Variants in ULK1 observed in about 807,000 individuals in gnomAD.
The protein encoded by ULK1 is serine/threonine-protein kinase ULK1.
A neutral mutation model predicts 117.5 loss-of-function variants in ULK1; 48 were observed. That is an observed-to-expected ratio of 0.41 (90% confidence interval 0.32 to 0.52). The LOEUF (loss-of-function observed/expected upper bound fraction) is 0.52. Among genes scored for constraint, ULK1 ranks in the 20% least tolerant of loss-of-function variants. The pLI is 0.29. For synonymous variants in ULK1, 790 were observed against 637.8 expected (o/e 1.24, Z -3.60); for missense variants, 1,387 against 1,473.4 (o/e 0.94, Z 0.96).
chr12:131,909,951 A>G lies in ULK1; in HGVS notation c.758A>G (p.Gln253Arg), dbSNP rs761167009. The change falls in exon 10 of 28, where the codon CAG (glutamine) becomes CGG (arginine). Residue 253 changes from glutamine to arginine, a missense_variant. By Grantham distance (43) the Gln-to-Arg change is conservative. This residue lies in a region of ULK1 where 260 missense variants were observed against 271.6 expected (regional missense o/e 0.96). Transcript: ENST00000321867. ...CGGGAGACCTCGGCCCCGCTGCGGC[A>G]GCTGCTCCTGGCCCTACTGCAACGC... ...IPRETSAPLR[Q>R]LLLALLQRNH... 4 of 1,612,066 alleles carry G rather than the reference A, an allele frequency of 2.5e-6. No homozygotes were observed. The highest frequency in any genetic ancestry group is 3.4e-6 in the Non-Finnish European group (4 of 1,179,812).
intron 13 of ULK1, 30 bp downstream of exon 13, chr12:131,912,119 C>G (rs753368592): frequency 6.2e-7 from 1 of 1,601,836 alleles, no homozygotes; most frequent in Non-Finnish European, 8.5e-7. Context: ...TTGGAGGTGA[C>G]GCCTCAGGTG....
intron 27 of ULK1, 30 bp from the exon 28 acceptor site, chr12:131,921,276 T>C: frequency 6.2e-7 from 1 of 1,607,896 alleles, no homozygotes; most frequent in East Asian, 2.2e-5. Flanking sequence ...ACTCTGGGCG[T>C]CTCCCTCACA....
chr12:131,909,006 C>A (rs575857025), intron 7 of ULK1, 35 bp downstream of exon 7: 3 of 1,612,542 alleles, frequency 1.9e-6, no homozygotes, highest in Non-Finnish European at 2.5e-6. Flanking sequence ...GCCGGGTGGG[C>A]GCCTCTCTGG....
chr12:131,911,838 C>T, intron 12 of ULK1, 104 bp from the exon 13 acceptor site: 2 of 1,532,884 alleles, frequency 1.3e-6, no homozygotes, highest in Non-Finnish European at 8.9e-7. Context: ...GCCCCAGCGC[C>T]CCGATCTTTA....
At position 131,907,481 on chromosome 12, in the gene ULK1, C is replaced by T. The variant is rs1472805259; in HGVS notation, c.280-14C>T. 1.2e-6 allele frequency: 2 copies of T among 1,612,626 alleles called. No individual in the cohort carries two copies. Among genetic ancestry groups the T allele is most frequent in the African/African-American group, 2.7e-5 (2 of 75,030 alleles). ...GGCCCTGCTGCAGCCTGATGCGTGTCTGGTCTCTTGCAGTACTGCAACGGT... is the reference window on the plus strand; with the variant it reads ...GGCCCTGCTGCAGCCTGATGCGTGTTTGGTCTCTTGCAGTACTGCAACGGT... On this transcript the variant is annotated splice_polypyrimidine_tract_variant and intron_variant, in intron 4 of 27. Coordinates refer to ENST00000321867, the MANE Select transcript of ULK1 (RefSeq NM_003565.4).
intron 5 of ULK1, 52 bp from the exon 6 acceptor site, chr12:131,908,592 C>G (rs973881173): frequency 2.8e-6 from 4 of 1,434,852 alleles, no homozygotes; most frequent in Non-Finnish European, 3.6e-6. Context: ...GCGGGACTCA[C>G]CCCTGGGGGA....
In ULK1 at chr12:131,908,822, GCCCGCGGGCAGGCAGGCGGGC is replaced by G. The variant is rs1433648296; in HGVS notation, c.490+8_490+28del. 6.2e-7 allele frequency: 1 copy of G among 1,605,880 alleles called. No individual in the cohort carries two copies. Among genetic ancestry groups the G allele is most frequent in the East Asian group, 2.2e-5 (1 of 44,664 alleles). ...ACAGCATCCGCGTCAAGATCGGTCA[GCCCGCGGGCAGGCAGGCGGGC>G]CCGGCGGGGAGGGGCTCCGGGGCCG... On this transcript the variant is annotated splice_donor_region_variant and intron_variant, in intron 6 of 27. Coordinates refer to ENST00000321867, the MANE Select transcript of ULK1 (RefSeq NM_003565.4).
intron 13 of ULK1, among the ~76,000 whole-genome samples, 174 bp downstream of exon 13, chr12:131,912,263 C>T (rs933235697): frequency 1.3e-5 from 2 of 152,194 alleles, no homozygotes; most frequent in Non-Finnish European, 2.9e-5. Flanking sequence ...CTGTTAAAAC[C>T]ACTCCTGGAA....
At position 131,895,524 on chromosome 12, in the gene ULK1, C is replaced by T. The variant is rs955929909; in HGVS notation, c.112-77C>T. ...TCCCAACCGGGATCATCTCAGGGCC[C>T]CACCTGTGTGGACTGGGGTCTGGGG... is the stretch of plus-strand genomic sequence containing the variant. On this transcript the variant is annotated intron_variant, in intron 1 of 27. Transcript: ENST00000321867. The T allele has an allele frequency of 2.3e-4, 294 of 1,260,388 alleles. 3 individuals carry two copies. The highest frequency in any genetic ancestry group is 3.0e-5 in the African/African-American group (2 of 67,524). 78.1% of individuals were successfully genotyped at this position (1,260,388 alleles called of 1,614,324 possible).
At position 131,895,053 on chromosome 12, in the gene ULK1, C is replaced by A. The variant is rs776132522; in HGVS notation, c.52C>A (p.Arg18Ser). The A allele has an allele frequency of 1.3e-6, 2 of 1,585,262 alleles. No homozygotes were observed. Among genetic ancestry groups the A allele is most frequent in the East Asian group, 2.3e-5 (1 of 42,894 alleles). Reference sequence around the variant, plus strand: ...GACCGTGGGCAAGTTCGAGTTCTCCCGCAAGGACCTGATCGGCCACGGCGC... The same window carrying A: ...GACCGTGGGCAAGTTCGAGTTCTCCAGCAAGGACCTGATCGGCCACGGCGC... ...TETVGKFEFS[R>S]KDLIGHGAFA... Residue 18 changes from arginine to serine, a missense_variant, in exon 1 of 28, where the codon CGC becomes AGC. Around this residue, in one of 4 missense-constraint regions of ULK1, gnomAD observed 224 missense variants for 325.2 expected, o/e 0.69. Coordinates refer to ENST00000321867, the MANE Select transcript of ULK1 (RefSeq NM_003565.4).
chr12:131,907,468 G>T (rs1222480159), intron 4 of ULK1, 27 bp from the exon 5 acceptor site: 17 of 1,611,830 alleles, frequency 1.1e-5, no homozygotes, highest in Non-Finnish European at 1.4e-5. Context: ...CCCTGCTGCA[G>T]CCTGATGCGT....
intron 12 of ULK1, 121 bp from the exon 13 acceptor site, chr12:131,911,821 C>T: frequency 1.4e-6 from 2 of 1,402,662 alleles, no homozygotes; most frequent in Non-Finnish European, 2.0e-6. Flanking sequence ...GTGCCCAGCC[C>T]TTCTCAGCCC....
At chr12:131,905,802 G>A (rs1889250803) in intron 3 of ULK1, among the ~76,000 whole-genome samples, 1 of 152,204 alleles carries the variant, frequency 6.6e-6, no homozygotes, top group Non-Finnish European at 1.5e-5. Flanking sequence ...GTGTACGCAT[G>A]CTGGCCGTTG....
Position 131,921,407 on chromosome 12 carries a change from G to A in ULK1, c.*46G>A, listed in dbSNP as rs199539761. 2 of 1,598,344 alleles carry A rather than the reference G, an allele frequency of 1.3e-6. No individual in the cohort carries two copies. Among genetic ancestry groups the A allele is most frequent in the East Asian group, 4.5e-5 (2 of 44,874 alleles). ...CCCCCGTCCTGCCGAGCCCTGCAGA[G>A]TGGGCTCTGTGTGCTGGCTGGACTC... On this transcript the variant is annotated 3_prime_UTR_variant, in exon 28 of 28. Transcript: ENST00000321867.
intron 20 of ULK1, 151 bp from the exon 21 acceptor site, chr12:131,916,802 C>A: frequency 2.1e-6 from 2 of 958,202 alleles, no homozygotes; most frequent in Non-Finnish European, 3.0e-6. Context: ...TCGCCATGCC[C>A]GCCTGTAAGC....
chr12:131,914,161 G>A (rs924494615), intron 15 of ULK1, among the ~76,000 whole-genome samples, 191 bp from the exon 16 acceptor site: 3 of 152,266 alleles, frequency 2.0e-5, no homozygotes, highest in Non-Finnish European at 2.9e-5. Context: ...CAGGTGGGGT[G>A]CAGGTGCCAC....
At position 131,916,169 on chromosome 12, in the gene ULK1, A is replaced by C. The variant is rs1188275764; in HGVS notation, c.1878+10A>C. The C allele has an allele frequency of 6.2e-7, 1 of 1,609,596 alleles. No homozygotes were observed. Among genetic ancestry groups the C allele is most frequent in the Admixed American group, 1.7e-5 (1 of 59,062 alleles). On this transcript the variant is annotated intron_variant, in intron 19 of 27. Coordinates refer to ENST00000321867, the MANE Select transcript of ULK1 (RefSeq NM_003565.4). The stretch of plus-strand genomic sequence containing the variant: ...GGGCTCCCCCACCAAGGTAATGGGC[A>C]CTGCCATGTGTGCAGGGGCACAGAG...
In ULK1 at chr12:131,895,601, A is replaced by G. The variant is rs1216092064; in HGVS notation, c.112A>G (p.Lys38Glu). 1.2e-6 allele frequency: 2 copies of G among 1,613,664 alleles called. No individual in the cohort carries two copies. The highest frequency in any genetic ancestry group is 2.7e-5 in the African/African-American group (2 of 74,904). The change falls in exon 2 of 28, where the codon AAG (lysine) becomes GAG (glutamate). Residue 38 changes from lysine to glutamate, a missense_variant and splice_region_variant. By Grantham distance (56) the Lys-to-Glu change is moderately conservative. This residue lies in a region of ULK1 where 224 missense variants were observed against 325.2 expected (regional missense o/e 0.69). Transcript: ENST00000321867. ...AVVFKGRHRE[K>E]HDLEVAVKCI... ...TTGAAGGTGCACGTTTGGCTTTCAG[A>G]AGCACGATTTGGAGGTCGCCGTCAA...
Position 131,918,586 on chromosome 12 carries a change from G to A in ULK1, c.2416G>A (p.Gly806Arg), listed in dbSNP as rs780923849. The change falls in exon 23 of 28, where the codon GGA becomes AGA. Residue 806 changes from glycine to arginine, a missense_variant. Physicochemically the swap from Gly to Arg is moderately radical, Grantham distance 125 (BLOSUM62 -2). This residue lies in a region of ULK1 where 900 missense variants were observed against 858.9 expected (regional missense o/e 1.05). Transcript: ENST00000321867. ...CCCAGCCCCTGAGCTCCCTGCTCCA[G>A]GACACGGCTGCAGCTTTGCCGACCC... The part of the protein sequence containing the change: ...EAPAPELPAP[G>R]HGCSFADPIT... 6.2e-6 allele frequency: 10 copies of A among 1,610,912 alleles called. No homozygotes were observed. The highest frequency in any genetic ancestry group is 5.0e-5 in the Admixed American group (3 of 59,874).
Sources: gnomAD v4.1 joint callset for allele counts (sites outside exome capture counted in the v4.1 genomes callset) on GRCh38, gnomAD v4.1.1 for gene constraint, gnomAD v4.1.1 regional missense constraint, MANE v1.5 for transcripts, NCBI Gene and HGNC (gene_info 2026-07-23, HGNC 2026-07-21) for gene names.